Variants in ARHGEF7 observed in about 807,000 individuals in gnomAD.
The protein encoded by ARHGEF7 is PAK-interacting exchange factor beta.
ARHGEF7 carries 33 observed loss-of-function variants against 109.8 expected under a neutral mutation model. The ratio of observed to expected loss-of-function variants is 0.30; its 90% CI spans 0.23 to 0.40. ARHGEF7 has a LOEUF of 0.40. Among genes scored for constraint, ARHGEF7 ranks in the 10% least tolerant of loss-of-function variants. The probability of loss-of-function intolerance (pLI) is 1.00; values close to 1 mark genes in which losing one functional copy is unlikely to be tolerated. For missense variants in ARHGEF7, 938 were observed against 1,098.5 expected (o/e 0.85, Z 2.07); for synonymous variants, 458 against 424.6 (o/e 1.08, Z -0.97).
chr13:111,174,103 C>G (rs770372803), intron 2 of ARHGEF7, among the ~76,000 whole-genome samples: 2 of 152,106 alleles, frequency 1.3e-5, no homozygotes, highest in Non-Finnish European at 2.9e-5. Flanking sequence ...AAGGTAGAAT[C>G]CGTGTTAGCT....
intron 19 of ARHGEF7, among the ~76,000 whole-genome samples, chr13:111,296,823 C>T (rs867262644): frequency 3.9e-5 from 6 of 152,292 alleles, no homozygotes; most frequent in Non-Finnish European, 5.9e-5. Context: ...AAGTGTAGCC[C>T]ACAAGATTTC....
chr13:111,252,018 G>A (rs780440750), intron 8 of ARHGEF7, among the ~76,000 whole-genome samples: 1 of 152,198 alleles, frequency 6.6e-6, no homozygotes, highest in Non-Finnish European at 1.5e-5. Flanking sequence ...TTCCAAAGTG[G>A]GAGGAGTGCC....
At chr13:111,287,550 G>T (rs910474816) in intron 17 of ARHGEF7, among the ~76,000 whole-genome samples, 1 of 152,228 alleles carries the variant, frequency 6.6e-6, no homozygotes, top group Non-Finnish European at 1.5e-5. Flanking sequence ...CAAAACAAGT[G>T]AACAATGTGT....
At chr13:111,177,502 G>A (rs1355130041) in intron 2 of ARHGEF7, among the ~76,000 whole-genome samples, 1 of 152,180 alleles carries the variant, frequency 6.6e-6, no homozygotes, top group Non-Finnish European at 1.5e-5. Flanking sequence ...GCTCACTGAG[G>A]AGGGGAGGGT....
intron 8 of ARHGEF7, among the ~76,000 whole-genome samples, chr13:111,263,070 A>G (rs888796251): frequency 1.3e-5 from 2 of 152,154 alleles, no homozygotes; most frequent in African/African-American, 4.8e-5. Flanking sequence ...TTCTGAACTC[A>G]TATTCTGTAA....
chr13:111,194,594 C>T (rs2080280831), intron 2 of ARHGEF7, among the ~76,000 whole-genome samples: 1 of 152,232 alleles, frequency 6.6e-6, no homozygotes, highest in Non-Finnish European at 1.5e-5. Flanking sequence ...ATGCCTTGTT[C>T]CCTTGATCAG....
intron 6 of ARHGEF7, chr13:111,241,177 C>T (rs983263623): frequency 3.3e-6 from 5 of 1,535,732 alleles, no homozygotes; most frequent in Non-Finnish European, 4.4e-6. Context: ...GGCCTTTCTT[C>T]AGCACTGTGG....
At chr13:111,279,934 G>A (rs1160769263) in intron 13 of ARHGEF7, among the ~76,000 whole-genome samples, 1 of 152,124 alleles carries the variant, frequency 6.6e-6, no homozygotes, top group African/African-American at 2.4e-5. Context: ...TAAAACAACT[G>A]TTATACACGG....
At chr13:111,256,314 G>GCGGGCGC (rs2090417562) in intron 8 of ARHGEF7, among the ~76,000 whole-genome samples, 1 of 152,234 alleles carries the variant, frequency 6.6e-6, no homozygotes, top group Non-Finnish European at 1.5e-5. Context: ...GAGGCACAGT[G>GCGGGCGC]ATTGGAACTG....
intron 2 of ARHGEF7, among the ~76,000 whole-genome samples, chr13:111,173,720 C>T (rs1359372708): frequency 6.6e-6 from 1 of 152,064 alleles, no homozygotes; most frequent in East Asian, 1.9e-4. Context: ...ACCACTGCCT[C>T]TCCCCACATT....
chr13:111,115,484 TG>T lies in ARHGEF7; in HGVS notation c.-42del. On this transcript the variant is annotated 5_prime_UTR_variant, in exon 1 of 22. The change abolishes the stop of an existing upstream ORF in the 5' untranslated region. Transcript: ENST00000646102. The stretch of plus-strand genomic sequence containing the variant: ...CGCGGGCCGGGCCGCCGCTCCGAGG[TG>T]AAGGCGCGCGCCCCTCCCCGCCTGC... 1 of 1,117,066 alleles carries T rather than the reference TG, an allele frequency of 9.0e-7. No homozygotes were observed. The highest frequency in any genetic ancestry group is 1.1e-6 in the Non-Finnish European group (1 of 907,812). The allele number at this position is 1,117,066 out of a possible 1,614,324, so 69.2% of individuals were successfully genotyped here. A position where few individuals can be genotyped will look rare whatever the true frequency, so the allele number is the denominator to read the frequency against.
intron 19 of ARHGEF7, among the ~76,000 whole-genome samples, chr13:111,297,230 A>T (rs1459995015): frequency 1.3e-5 from 2 of 152,242 alleles, no homozygotes; most frequent in Non-Finnish European, 1.5e-5. Context: ...AACTAGGCAG[A>T]TTATTAGAAT....
chr13:111,250,487 G>A (rs2089603579), intron 8 of ARHGEF7, among the ~76,000 whole-genome samples: 1 of 152,194 alleles, frequency 6.6e-6, no homozygotes, highest in South Asian at 2.1e-4. Flanking sequence ...ATCATATCAG[G>A]CACCAAGAGC....
chr13:111,133,436 T>C (rs2074891300), intron 1 of ARHGEF7, among the ~76,000 whole-genome samples: 1 of 152,046 alleles, frequency 6.6e-6, no homozygotes, highest in Non-Finnish European at 1.5e-5. Flanking sequence ...ACGTTTCAGC[T>C]TATGGGCGGA....
intron 15 of ARHGEF7, among the ~76,000 whole-genome samples, chr13:111,282,143 G>C (rs1014027847): frequency 1.3e-5 from 2 of 152,158 alleles, no homozygotes; most frequent in African/African-American, 4.8e-5. Flanking sequence ...ACTAGAATGT[G>C]ATCGTTGCAG....
rs112629046 is a variant in ARHGEF7 at position 111,270,599 on chromosome 13, G to C, written c.1073+2929G>C. On this transcript the variant is annotated intron_variant, in intron 9 of 21. Coordinates refer to ENST00000646102, the MANE Select transcript of ARHGEF7 (RefSeq NM_001354046.2). ...TCTGGGCTTTTTTTGAGGGAGTGGT[G>C]ATGAGGGTAACTGTTTAGTTTTGTT... Among the ~76,000 whole-genome samples the C allele has an allele frequency of 1.8e-3, 278 of 152,184 alleles. 2 individuals carry two copies. Among genetic ancestry groups the C allele is most frequent in the African/African-American group, 6.4e-3 (267 of 41,528 alleles).
At chr13:111,150,563 C>G (rs968575770) in intron 1 of ARHGEF7, among the ~76,000 whole-genome samples, 3 of 152,168 alleles carry the variant, frequency 2.0e-5, no homozygotes, top group Non-Finnish European at 4.4e-5. Context: ...AAAGTTTTCA[C>G]AGAGTCTGGC....
rs2093628851 is a variant in ARHGEF7 at position 111,305,098 on chromosome 13, C to G, written c.*1985C>G. 1 of 152,244 alleles carries G rather than the reference C, an allele frequency of 6.6e-6. No homozygotes were observed. Among genetic ancestry groups the G allele is most frequent in the African/African-American group, 2.4e-5 (1 of 41,460 alleles). 9.4% of individuals were successfully genotyped at this position (152,244 alleles called of 1,614,324 possible). ...TCTCCTGCAGACCTGCCTTAATGCT[C>G]AGATCGAAGTATTTCACAAGAATAC... On this transcript the variant is annotated 3_prime_UTR_variant, in exon 22 of 22. Transcript: ENST00000646102.
chr13:111,261,206 A>C (rs2048609514), intron 8 of ARHGEF7, among the ~76,000 whole-genome samples: 1 of 152,180 alleles, frequency 6.6e-6, no homozygotes, highest in Admixed American at 6.5e-5. Context: ...AATGGATTAA[A>C]AAAAACCAAA....
Sources: allele counts gnomAD v4.1 joint callset (sites outside exome capture counted in the v4.1 genomes callset), GRCh38; gene constraint gnomAD v4.1.1; transcripts MANE v1.5; gene names NCBI Gene and HGNC (gene_info 2026-07-23, HGNC 2026-07-21).